The following RTKN2 variants were observed in gnomAD, a reference collection of about 807,000 sequenced individuals.
RTKN2 encodes the protein rhotekin 2.
Under a neutral mutation model 71.5 loss-of-function variants are expected in RTKN2, and 69 were observed. That is an observed-to-expected ratio of 0.96 (90% confidence interval 0.79 to 1.18). The LOEUF is 1.18. RTKN2 is among the 50% of genes most tolerant of loss of function. The pLI, the probability that RTKN2 is intolerant of heterozygous loss-of-function variation, is 0.00. For synonymous variants in RTKN2, 236 were observed against 236.5 expected (o/e 1.00, Z 0.02); for missense variants, 724 against 719.7 (o/e 1.01, Z -0.07).
chr10:62,215,240 C>T, intron 9 of RTKN2: 1 of 472,838 alleles, frequency 2.1e-6, no homozygotes. Flanking sequence ...ATACACAGAA[C>T]TTTTACCAAA....
chr10:62,259,703 C>T (rs906761366), intron 2 of RTKN2, among the ~76,000 whole-genome samples: 1 of 152,128 alleles, frequency 6.6e-6, no homozygotes, highest in East Asian at 1.9e-4. Flanking sequence ...AGGCACATGC[C>T]ACCATGCCTG....
intron 1 of RTKN2, among the ~76,000 whole-genome samples, chr10:62,268,103 C>T (rs943240208): frequency 3.3e-5 from 5 of 152,192 alleles, no homozygotes; most frequent in African/African-American, 9.7e-5. Flanking sequence ...CGAACCCCCT[C>T]CCCCCAACCA....
Position 62,197,702 on chromosome 10 carries a change from C to T in RTKN2, c.*206G>A, listed in dbSNP as rs987503548. ...TCTAGAAACTGCCTCTTGCACACTG[C>T]TGGAGAAATCACTTACATTCTGCAA... On this transcript the variant is annotated 3_prime_UTR_variant, in exon 12 of 12. Coordinates refer to ENST00000373789, the MANE Select transcript of RTKN2 (RefSeq NM_145307.4). 12 of 1,393,826 alleles carry T rather than the reference C, an allele frequency of 8.6e-6. No homozygotes were observed. The highest frequency in any genetic ancestry group is 1.0e-5 in the Non-Finnish European group (11 of 1,079,674). The allele number at this position is 1,393,826 out of a possible 1,614,324, so 86.3% of individuals were successfully genotyped here.
chr10:62,217,930 TG>T (rs1435504023), intron 8 of RTKN2, among the ~76,000 whole-genome samples: 1 of 152,150 alleles, frequency 6.6e-6, no homozygotes, highest in Non-Finnish European at 1.5e-5. Context: ...CCTCTGTTGC[TG>T]ATTATCCTGT....
intron 9 of RTKN2, among the ~76,000 whole-genome samples, chr10:62,213,565 G>T (rs1841705213): frequency 6.6e-6 from 1 of 151,940 alleles, no homozygotes; most frequent in Non-Finnish European, 1.5e-5. Context: ...TGACATAAGA[G>T]TTATTTTTAA....
chr10:62,262,601 C>G lies in RTKN2; in HGVS notation c.257+24G>C, dbSNP rs748009215. 3 of 1,486,134 alleles carry G rather than the reference C, an allele frequency of 2.0e-6. No individual in the cohort carries two copies. The South Asian group carries it at 3.7e-5, about 18-fold the overall frequency. The allele number at this position is 1,486,134 out of a possible 1,614,324, so 92.1% of individuals were successfully genotyped here. A position where few individuals can be genotyped will look rare whatever the true frequency, so the allele number is the denominator to read the frequency against. On this transcript the variant is annotated intron_variant, in intron 2 of 11. Coordinates refer to ENST00000373789, the MANE Select transcript of RTKN2 (RefSeq NM_145307.4). The stretch of plus-strand genomic sequence containing the variant: ...TTTACATATTTAAGTACATTAAAAG[C>G]CACAGGTAAACTATGTTACTAACCA...
chr10:62,188,524 T>A (rs1841170491), downstream of RTKN2, among the ~76,000 whole-genome samples: 1 of 152,072 alleles, frequency 6.6e-6, no homozygotes, highest in Non-Finnish European at 1.5e-5. Context: ...GTCAGAGAGT[T>A]CGTGAACGTA....
chr10:62,235,656 T>C (rs1001151900), intron 6 of RTKN2, among the ~76,000 whole-genome samples: 1 of 119,152 alleles, frequency 8.4e-6, no homozygotes, highest in Admixed American at 9.1e-5. Context: ...CTTCAGGCTA[T>C]ATGTATAAGG....
At chr10:62,212,506 C>G (rs912809517) in intron 9 of RTKN2, among the ~76,000 whole-genome samples, 12 of 152,070 alleles carry the variant, frequency 7.9e-5, no homozygotes, top group East Asian at 5.8e-4. Context: ...AGTTTGAGAC[C>G]AGCCTGGGTA....
In RTKN2 at chr10:62,197,863, T is replaced by C; in HGVS notation, c.*45A>G. 1.3e-6 allele frequency: 2 copies of C among 1,545,600 alleles called. No homozygotes were observed. Among genetic ancestry groups the C allele is most frequent in the East Asian group, 2.3e-5 (1 of 44,310 alleles). ...ATTCTATAATGCCTCTGAATTAAGCTTCACAGTTATAGATTTTGTTAAATG... is the reference window on the plus strand; with the variant it reads ...ATTCTATAATGCCTCTGAATTAAGCCTCACAGTTATAGATTTTGTTAAATG... On this transcript the variant is annotated 3_prime_UTR_variant, in exon 12 of 12. Transcript: ENST00000373789.
rs34457392 is a variant in RTKN2 at position 62,196,636 on chromosome 10, A to G, written c.*1272T>C. On this transcript the variant is annotated 3_prime_UTR_variant, in exon 12 of 12. Coordinates refer to ENST00000373789, the MANE Select transcript of RTKN2 (RefSeq NM_145307.4). ...TTAAAAAGATCTCAAGAGATTATACACAGGGCAGCAATTTAATTCTTAAAT... is the reference window on the plus strand; with the variant it reads ...TTAAAAAGATCTCAAGAGATTATACGCAGGGCAGCAATTTAATTCTTAAAT... 95,782 of 984,198 alleles carry G rather than the reference A, an allele frequency of 0.097. 5,155 individuals carry two copies. The highest frequency in any genetic ancestry group is 0.25 in the South Asian group (5,395 of 21,254). 61.0% of individuals were successfully genotyped at this position (984,198 alleles called of 1,614,324 possible).
chr10:62,217,222 T>C lies in RTKN2; in HGVS notation c.916A>G (p.Arg306Gly). The C allele has an allele frequency of 1.9e-6, 3 of 1,575,434 alleles. No homozygotes were observed. Among genetic ancestry groups the C allele is most frequent in the Non-Finnish European group, 1.7e-6 (2 of 1,161,348 alleles). Residue 306 changes from arginine to glycine, a missense_variant, in exon 9 of 12, where the codon AGA becomes GGA. Physicochemically the swap from Arg to Gly is moderately radical, Grantham distance 125. Coordinates refer to ENST00000373789, the MANE Select transcript of RTKN2 (RefSeq NM_145307.4). ...QQMVEGLISW[R>G]RLYCVLRGGK... ...CCTCGCAAAACACAATACAACCTTC[T>C]CCAACTAATCAGACCTTCTACCATT...
chr10:62,201,759 A>G (rs1408630180), intron 10 of RTKN2, among the ~76,000 whole-genome samples: 5 of 152,210 alleles, frequency 3.3e-5, no homozygotes, highest in African/African-American at 1.2e-4. Flanking sequence ...ATGCCACATT[A>G]TTTCACGTGT....
At chr10:62,186,396 T>G (rs962326727) in intron 8 of RTKN2, among the ~76,000 whole-genome samples, 1 of 152,230 alleles carries the variant, frequency 6.6e-6, no homozygotes. Flanking sequence ...TGAGGGAACC[T>G]TATCTCGTTT....
At chr10:62,202,761 G>A (rs981692887) in intron 10 of RTKN2, among the ~76,000 whole-genome samples, 2 of 152,110 alleles carry the variant, frequency 1.3e-5, no homozygotes, top group African/African-American at 4.8e-5. Context: ...ACATAATCTA[G>A]AGAATGAAAG....
intron 9 of RTKN2, among the ~76,000 whole-genome samples, chr10:62,209,609 T>A (rs1309512651): frequency 1.3e-5 from 2 of 152,140 alleles, no homozygotes; most frequent in African/African-American, 4.8e-5. Flanking sequence ...GATCTCCCTC[T>A]TCCCACCCTC....
chr10:62,218,090 A>G (rs1360644958), intron 8 of RTKN2, 105 bp downstream of exon 8: 2 of 713,816 alleles, frequency 2.8e-6, no homozygotes, highest in Non-Finnish European at 4.7e-6. Flanking sequence ...CATTTAAAAA[A>G]AGACTTAAAA....
At chr10:62,233,916 A>G (rs183229561) in intron 6 of RTKN2, among the ~76,000 whole-genome samples, 3 of 152,342 alleles carry the variant, frequency 2.0e-5, no homozygotes, top group Admixed American at 1.3e-4. Context: ...CGAAACATGC[A>G]AAGAAATTCT....
chr10:62,260,281 G>A (rs1434222062), intron 2 of RTKN2, among the ~76,000 whole-genome samples: 2 of 152,038 alleles, frequency 1.3e-5, no homozygotes, highest in East Asian at 1.9e-4. Flanking sequence ...TTCTGCAAGC[G>A]GTAGATATTC....
Sources: allele counts gnomAD v4.1 joint callset (sites outside exome capture counted in the v4.1 genomes callset), GRCh38; gene constraint gnomAD v4.1.1; transcripts MANE v1.5; gene names NCBI Gene and HGNC (gene_info 2026-07-23, HGNC 2026-07-21).